Variants in CDK5RAP2 observed in about 807,000 individuals in gnomAD.
CDK5RAP2 encodes the protein CDK5 regulatory subunit-associated protein 2.
Under a neutral mutation model 232.9 loss-of-function variants are expected in CDK5RAP2, and 147 were observed. That is an observed-to-expected ratio of 0.63 (90% CI 0.55 to 0.72). CDK5RAP2 has a LOEUF of 0.72. Among genes scored for constraint, CDK5RAP2 ranks in the 30% least tolerant of loss-of-function variants. The probability of loss-of-function intolerance (pLI) is 0.00; values close to 1 mark genes in which losing one functional copy is unlikely to be tolerated. For missense variants in CDK5RAP2, 2,195 were observed against 2,231.5 expected (o/e 0.98, Z 0.33); for synonymous variants, 833 against 833.7 (o/e 1.00, Z 0.01).
intron 18 of CDK5RAP2, among the ~76,000 whole-genome samples, chr9:120,465,958 T>C (rs574587662): frequency 6.6e-6 from 1 of 152,328 alleles, no homozygotes; most frequent in East Asian, 1.9e-4. Context: ...GAAGGAACAC[T>C]TCCAAACGTT....
chr9:120,421,621 T>A (rs2034570825), intron 26 of CDK5RAP2, among the ~76,000 whole-genome samples: 1 of 152,164 alleles, frequency 6.6e-6, no homozygotes, highest in Non-Finnish European at 1.5e-5. Context: ...GCAACAATAA[T>A]AGCATTCAGA....
chr9:120,531,918 T>C (rs985347191), intron 7 of CDK5RAP2, among the ~76,000 whole-genome samples: 2 of 152,134 alleles, frequency 1.3e-5, no homozygotes, highest in Non-Finnish European at 2.9e-5. Context: ...AATCGTCACA[T>C]AATCAATGGG....
intron 11 of CDK5RAP2, among the ~76,000 whole-genome samples, chr9:120,519,789 G>A (rs2040534874): frequency 1.3e-5 from 2 of 152,144 alleles, no homozygotes; most frequent in Admixed American, 6.5e-5. Flanking sequence ...CCATGTCCTA[G>A]TCCTGAATAA....
intron 28 of CDK5RAP2, among the ~76,000 whole-genome samples, chr9:120,412,886 T>C (rs894491544): frequency 2.0e-4 from 30 of 152,252 alleles, no homozygotes; most frequent in African/African-American, 7.2e-4. Context: ...TTACTCACTA[T>C]GTCTCACCCC....
chr9:120,437,245 C>T (rs1316183934), intron 25 of CDK5RAP2, 50 bp downstream of exon 25: 1 of 1,350,722 alleles, frequency 7.4e-7, no homozygotes. Context: ...TCCAAGAAGT[C>T]CTGGGTCAAT....
intron 22 of CDK5RAP2, among the ~76,000 whole-genome samples, chr9:120,446,865 A>G (rs1226161911): frequency 2.0e-5 from 3 of 152,130 alleles, no homozygotes; most frequent in Non-Finnish European, 4.4e-5. Context: ...CATTCATGAC[A>G]TAAGCAAATC....
Position 120,394,784 on chromosome 9 carries a change from C to T in CDK5RAP2, c.5452-146G>A. On this transcript the variant is annotated intron_variant, in intron 35 of 37. Transcript: ENST00000349780. ...AAACTAGAAGCCTTTTCCTGACAAC[C>T]AGGAAAAGGCAAAATTGGACAAAAC... 7 of 730,942 alleles carry T rather than the reference C, an allele frequency of 9.6e-6. No individual in the cohort carries two copies. The South Asian group carries it at 1.0e-4, about 11-fold the overall frequency. The allele number at this position is 730,942 out of a possible 1,614,324, so 45.3% of individuals were successfully genotyped here. A position where few individuals can be genotyped will look rare whatever the true frequency, so the allele number is the denominator to read the frequency against.
intron 23 of CDK5RAP2, among the ~76,000 whole-genome samples, chr9:120,440,622 A>G (rs542897242): frequency 1.4e-4 from 22 of 152,354 alleles, no homozygotes; most frequent in Admixed American, 9.1e-4. Flanking sequence ...TGCTAAAGTA[A>G]AAATTTTAAG....
intron 11 of CDK5RAP2, among the ~76,000 whole-genome samples, chr9:120,521,561 G>A (rs1250136172): frequency 1.3e-5 from 2 of 151,560 alleles, no homozygotes; most frequent in Non-Finnish European, 2.9e-5. Context: ...TGTAACATGC[G>A]TCTTTGCTCC....
At position 120,491,370 on chromosome 9, in the gene CDK5RAP2, G is replaced by A. The variant is rs750516720; in HGVS notation, c.1419C>T (p.His473=). 5.6e-6 allele frequency: 9 copies of A among 1,613,130 alleles called. No individual in the cohort carries two copies. The highest frequency in any genetic ancestry group is 7.6e-6 in the Non-Finnish European group (9 of 1,179,358). ...GATGTTTGATCACTTGCTCTTGATT[G>A]TGCAATTTTTTATTGCTTTCACTCA... ...SLLSESNKKL[H]NQEQVIKHLT... is the part of the protein sequence containing the mutation. Residue 473 remains histidine, a synonymous_variant, in exon 13 of 38, where the codon CAC becomes CAT. Transcript: ENST00000349780.
chr9:120,453,968 C>T, intron 20 of CDK5RAP2, 95 bp from the exon 21 acceptor site: 1 of 1,258,832 alleles, frequency 7.9e-7, no homozygotes, highest in East Asian at 2.3e-5. Flanking sequence ...CCTACTGTTG[C>T]CCAGATTCCA....
At chr9:120,437,077 G>A (rs1476789751) in intron 25 of CDK5RAP2, among the ~76,000 whole-genome samples, 4 of 152,150 alleles carry the variant, frequency 2.6e-5, no homozygotes, top group East Asian at 3.8e-4. Context: ...CCCCTGAGGC[G>A]TCTAAACTGG....
At chr9:120,417,988 G>A (rs2034336939) in intron 27 of CDK5RAP2, among the ~76,000 whole-genome samples, 1 of 152,152 alleles carries the variant, frequency 6.6e-6, no homozygotes. Context: ...GCCACTCAAT[G>A]GACTATTCTA....
intron 3 of CDK5RAP2, among the ~76,000 whole-genome samples, chr9:120,559,270 C>T (rs1588655143): frequency 6.6e-6 from 1 of 151,878 alleles, no homozygotes; most frequent in Admixed American, 6.6e-5. Flanking sequence ...GGGTGGATCA[C>T]GAGGTCAGGA....
intron 12 of CDK5RAP2, among the ~76,000 whole-genome samples, chr9:120,503,297 C>G (rs892778584): frequency 6.6e-6 from 1 of 152,176 alleles, no homozygotes; most frequent in Admixed American, 6.5e-5. Flanking sequence ...CACCTTCAAC[C>G]TCATATGAAG....
At chr9:120,480,888 T>C (rs772662092) in intron 14 of CDK5RAP2, among the ~76,000 whole-genome samples, 4 of 152,256 alleles carry the variant, frequency 2.6e-5, no homozygotes, top group Non-Finnish European at 5.9e-5. Context: ...TTGTAAATCA[T>C]GCCACATGTC....
Position 120,491,376 on chromosome 9 carries a change from T to A in CDK5RAP2, c.1413A>T (p.Lys471Asn), listed in dbSNP as rs2038898136. ...YKSLLSESNK[K>N]LHNQEQVIKH... The stretch of plus-strand genomic sequence containing the variant: ...TGATCACTTGCTCTTGATTGTGCAA[T>A]TTTTTATTGCTTTCACTCAGAAGAC... The change falls in exon 13 of 38, where the codon AAA (lysine) becomes AAT (asparagine). Residue 471 changes from lysine to asparagine, a missense_variant. By Grantham distance (94) the Lys-to-Asn change is moderately conservative (BLOSUM62 0). Transcript: ENST00000349780. 6.2e-7 allele frequency: 1 copy of A among 1,613,044 alleles called. No homozygotes were observed. The highest frequency in any genetic ancestry group is 1.1e-5 in the South Asian group (1 of 91,022).
intron 22 of CDK5RAP2, among the ~76,000 whole-genome samples, chr9:120,445,529 C>T (rs893548074): frequency 6.6e-5 from 10 of 152,348 alleles, no homozygotes; most frequent in South Asian, 2.1e-4. Context: ...ACCCACTCCA[C>T]GGAAACAGCT....
intron 22 of CDK5RAP2, among the ~76,000 whole-genome samples, chr9:120,445,393 A>T (rs2036129272): frequency 6.6e-6 from 1 of 152,146 alleles, no homozygotes; most frequent in African/African-American, 2.4e-5. Context: ...TTCGGTGACA[A>T]TGTGGCTCCT....
Sources: gnomAD v4.1 joint callset for allele counts (sites outside exome capture counted in the v4.1 genomes callset) on GRCh38, gnomAD v4.1.1 for gene constraint, MANE v1.5 for transcripts, NCBI Gene and HGNC (gene_info 2026-07-23, HGNC 2026-07-21) for gene names.